The following GALNT18 variants were observed in gnomAD, a reference collection of about 807,000 sequenced individuals.
GALNT18 encodes the protein GalNAc-transferase 18.
GALNT18 carries 44 observed loss-of-function variants against 69.5 expected under a neutral mutation model. The ratio of observed to expected loss-of-function variants is 0.63; its 90% CI spans 0.50 to 0.81. The LOEUF is 0.81. Ranked by LOEUF, GALNT18 falls within the 40% of genes least tolerant of loss-of-function variation. The pLI is 0.00. For synonymous variants in GALNT18, 364 were observed against 318.2 expected (o/e 1.14, Z -1.53); for missense variants, 715 against 810.0 (o/e 0.88, Z 1.42).
In GALNT18 at chr11:11,421,630, T is replaced by C. The variant is rs755893243; in HGVS notation, c.595+10991A>G. Among the ~76,000 whole-genome samples, 18 of 151,668 alleles carry C rather than the reference T, an allele frequency of 1.2e-4. No individual in the cohort carries two copies. Among genetic ancestry groups the C allele is most frequent in the Non-Finnish European group, 1.3e-4 (9 of 67,906 alleles). ...AAACGCAGGACCAATGCAGAGAAGGTTGGGGAAAGCTGGGGTTGCTGGCCA... is the reference window on the plus strand; with the variant it reads ...AAACGCAGGACCAATGCAGAGAAGGCTGGGGAAAGCTGGGGTTGCTGGCCA... On this transcript the variant is annotated intron_variant, in intron 3 of 10. Coordinates refer to ENST00000227756, the MANE Select transcript of GALNT18 (RefSeq NM_198516.3). This position sits in a 1 kb window ranked among gnomAD's most constrained non-coding sequence, Gnocchi z 5.6.
At chr11:11,273,738 C>G (rs1190096778) in intron 10 of GALNT18, among the ~76,000 whole-genome samples, 1 of 152,236 alleles carries the variant, frequency 6.6e-6, no homozygotes, top group African/African-American at 2.4e-5. Flanking sequence ...GAGATATCTG[C>G]ACTCCCATGT....
rs1211585738 is a variant in GALNT18, at chr11:11,500,404, G to T, written c.236-51468C>A. On this transcript the variant is annotated intron_variant, in intron 1 of 10. Transcript: ENST00000227756. The surrounding 1 kb of genome is among the most constrained non-coding windows in gnomAD (Gnocchi z 5.0). ...GGCTTCATTTCCTCACATGGAAAGT[G>T]GTGATGGTAACACCTACCTCACAGG... Among the ~76,000 whole-genome samples, 1 of 152,192 alleles carries T rather than the reference G, an allele frequency of 6.6e-6. No individual in the cohort carries two copies.
chr11:11,292,059 G>A (rs1450721466), intron 10 of GALNT18, among the ~76,000 whole-genome samples: 1 of 152,148 alleles, frequency 6.6e-6, no homozygotes, highest in African/African-American at 2.4e-5. Flanking sequence ...GAAGCAGCTT[G>A]CCGGGAGGCT....
chr11:11,287,410 G>A, intron 10 of GALNT18, among the ~76,000 whole-genome samples: 1 of 152,100 alleles, frequency 6.6e-6, no homozygotes, highest in African/African-American at 2.4e-5. Flanking sequence ...GTGGAGAGGT[G>A]GCCTTGTTAC....
chr11:11,597,814 C>G (rs1004512611), intron 1 of GALNT18, among the ~76,000 whole-genome samples: 3 of 152,018 alleles, frequency 2.0e-5, no homozygotes, highest in Non-Finnish European at 1.5e-5. Flanking sequence ...GCGCCTGCCA[C>G]CACGCCCGGC....
intron 8 of GALNT18, among the ~76,000 whole-genome samples, chr11:11,331,929 A>G (rs1850023561): frequency 6.6e-6 from 1 of 152,176 alleles, no homozygotes; most frequent in African/African-American, 2.4e-5. Flanking sequence ...AGAAAATGGG[A>G]GAGTTTATCA....
intron 1 of GALNT18, among the ~76,000 whole-genome samples, chr11:11,554,381 G>A (rs1193944163): frequency 6.6e-6 from 1 of 151,802 alleles, no homozygotes; most frequent in Non-Finnish European, 1.5e-5. Flanking sequence ...GGGAGGCACA[G>A]GTAGCCTCAG....
chr11:11,273,724 T>C (rs1312118423), intron 10 of GALNT18, among the ~76,000 whole-genome samples: 1 of 152,160 alleles, frequency 6.6e-6, no homozygotes, highest in African/African-American at 2.4e-5. Flanking sequence ...ACCAGCATAT[T>C]GAAGAGATAT....
chr11:11,336,940 T>G (rs1850124420), intron 7 of GALNT18, among the ~76,000 whole-genome samples: 1 of 152,080 alleles, frequency 6.6e-6, no homozygotes, highest in African/African-American at 2.4e-5. Context: ...CTTCTTACAT[T>G]GTGTGGAGGC....
chr11:11,458,990 T>G (rs1276572408), intron 1 of GALNT18, among the ~76,000 whole-genome samples: 1 of 152,206 alleles, frequency 6.6e-6, no homozygotes, highest in Non-Finnish European at 1.5e-5. Context: ...TGCGTTTTAC[T>G]TGAGCGAGAA....
chr11:11,468,279 G>T (rs1369240456), intron 1 of GALNT18, among the ~76,000 whole-genome samples: 1 of 152,132 alleles, frequency 6.6e-6, no homozygotes, highest in Non-Finnish European at 1.5e-5. Context: ...CCCTGCCTGA[G>T]CATGGAAAGA....
intron 1 of GALNT18, among the ~76,000 whole-genome samples, chr11:11,483,347 C>T (rs946882527): frequency 6.6e-6 from 1 of 152,210 alleles, no homozygotes; most frequent in Non-Finnish European, 1.5e-5. Context: ...ACTCTGTCCT[C>T]AGTCATAGCA....
In GALNT18 at chr11:11,341,701, T is replaced by C. The variant is rs9888256; in HGVS notation, c.1093-697A>G. 0.63 allele frequency among the ~76,000 whole-genome samples: 96,291 copies of C among 152,074 alleles called. 31,016 individuals carry two copies. Among genetic ancestry groups the C allele is most frequent in the East Asian group, 0.91 (4,706 of 5,170 alleles). ...GCTCTCGCTACAATCTTTCCAGCCA[T>C]CCTGACCTTTCAATGTTCCTGAACT... On this transcript the variant is annotated intron_variant, in intron 6 of 10. Coordinates refer to ENST00000227756, the MANE Select transcript of GALNT18 (RefSeq NM_198516.3). This position sits in a 1 kb window ranked among gnomAD's most constrained non-coding sequence, Gnocchi z 6.3.
At chr11:11,291,153 G>C (rs1849289604) in intron 10 of GALNT18, among the ~76,000 whole-genome samples, 1 of 152,190 alleles carries the variant, frequency 6.6e-6, no homozygotes, top group African/African-American at 2.4e-5. Flanking sequence ...GAAGGCTTCT[G>C]CTAGGCACAG....
At chr11:11,466,396 T>G (rs778434161) in intron 1 of GALNT18, among the ~76,000 whole-genome samples, 4 of 152,354 alleles carry the variant, frequency 2.6e-5, no homozygotes, top group Non-Finnish European at 2.9e-5. Context: ...TGAAATATGA[T>G]TTTTCAAAGT....
intron 10 of GALNT18, among the ~76,000 whole-genome samples, chr11:11,274,415 CAG>C (rs1371017736): frequency 1.3e-4 from 20 of 152,220 alleles, no homozygotes; most frequent in African/African-American, 4.6e-4. Context: ...CCCACTCCCA[CAG>C]AGCCCAGCAA....
At chr11:11,381,649 C>T (rs866000397) in intron 3 of GALNT18, among the ~76,000 whole-genome samples, 1 of 152,194 alleles carries the variant, frequency 6.6e-6, no homozygotes, top group Non-Finnish European at 1.5e-5. Context: ...CATTTGCTGT[C>T]TTGCTGCCCT....
In GALNT18 at chr11:11,552,410, C is replaced by G. The variant is rs188951535; in HGVS notation, c.235+68949G>C. Among the ~76,000 whole-genome samples, 145 of 152,296 alleles carry G rather than the reference C, an allele frequency of 9.5e-4. 1 individual carries two copies. Among genetic ancestry groups the G allele is most frequent in the African/African-American group, 3.3e-3 (136 of 41,568 alleles). ...TGAGCCTTTACCTTCTCAAAAAGAC[C>G]AAGAGCTTCTGGAAGGCAGGCCCTG... On this transcript the variant is annotated intron_variant, in intron 1 of 10. Coordinates refer to ENST00000227756, the MANE Select transcript of GALNT18 (RefSeq NM_198516.3).
intron 2 of GALNT18, among the ~76,000 whole-genome samples, chr11:11,443,649 A>G (rs1240352843): frequency 1.3e-5 from 2 of 151,954 alleles, no homozygotes; most frequent in African/African-American, 4.8e-5. Flanking sequence ...CCAGGCTGGG[A>G]TGAAGACTTT....
Sources: allele counts gnomAD v4.1 joint callset (sites outside exome capture counted in the v4.1 genomes callset), GRCh38; gene constraint gnomAD v4.1.1; non-coding constraint Gnocchi (gnomAD v3.1); transcripts MANE v1.5; gene names NCBI Gene and HGNC (gene_info 2026-07-23, HGNC 2026-07-21).